The following DLGAP2 variants were observed in gnomAD, a reference collection of about 807,000 sequenced individuals.
DLGAP2 encodes DLG associated protein 2.
In DLGAP2, 26 loss-of-function variants were observed where a neutral mutation model predicts 100.3. The observed-to-expected ratio is 0.26, with a 90% CI of 0.19 to 0.36. DLGAP2 has a LOEUF of 0.36. Among genes scored for constraint, DLGAP2 ranks in the 10% least tolerant of loss-of-function variants. DLGAP2 has a pLI of 1.00. For synonymous variants in DLGAP2, 886 were observed against 630.1 expected, an observed-to-expected ratio of 1.41 and a Z score of -6.08; for missense variants, 1,858 against 1,453.2, an observed-to-expected ratio of 1.28 and a Z score of -4.53.
rs1016768774 is a variant in DLGAP2 at position 1,083,458 on chromosome 8, A to T, written c.74-175393A>T. On this transcript the variant is annotated intron_variant, in intron 2 of 14. Coordinates refer to ENST00000637795, the MANE Select transcript of DLGAP2 (RefSeq NM_001346810.2). ...GTTTGAAGTCATTTTAACTTTTATG[A>T]CGTTCGAGTTTGTGTTGACCTTTTA... is the stretch of plus-strand genomic sequence containing the variant. Among the ~76,000 whole-genome samples the T allele has an allele frequency of 7.9e-5, 12 of 152,204 alleles. 2 individuals carry two copies.
At chr8:1,002,291 G>T (rs1563137944) in intron 2 of DLGAP2, 1 of 152,150 alleles carries the variant, frequency 6.6e-6, no homozygotes, top group African/African-American at 2.4e-5. Flanking sequence ...TTCCTCCGGG[G>T]TCTGTGACCT....
At chr8:1,034,183 A>G (rs1292425748) in intron 2 of DLGAP2, among the ~76,000 whole-genome samples, 3 of 12,882 alleles carry the variant, frequency 2.3e-4, no homozygotes, top group Admixed American at 9.4e-4. Flanking sequence ...GTGTCACAGC[A>G]AGCGGGTTCA....
At chr8:1,572,134 AT>A (rs1802735332) in intron 6 of DLGAP2, among the ~76,000 whole-genome samples, 1 of 60,940 alleles carries the variant, frequency 1.6e-5, no homozygotes, top group African/African-American at 6.7e-5. Context: ...CTGGAGGGGC[AT>A]CTTCTGGGAT....
At chr8:1,450,254 C>T (rs1282878547) in intron 3 of DLGAP2, among the ~76,000 whole-genome samples, 2 of 62,384 alleles carry the variant, frequency 3.2e-5, no homozygotes, top group Middle Eastern at 5.1e-3. Flanking sequence ...ACGAGGTGGG[C>T]GGCCTCGGTG....
At chr8:1,531,483 C>T (rs1188783447) in intron 4 of DLGAP2, among the ~76,000 whole-genome samples, 5 of 151,922 alleles carry the variant, frequency 3.3e-5, no homozygotes, top group Non-Finnish European at 5.9e-5. Context: ...TTTGTATTTT[C>T]ATGTCTATGA....
intron 2 of DLGAP2, among the ~76,000 whole-genome samples, chr8:1,065,079 C>G (rs549476582): frequency 6.6e-6 from 1 of 152,232 alleles, no homozygotes; most frequent in South Asian, 2.1e-4. Context: ...CAGGGGATTT[C>G]TGAGAAAATA....
At chr8:1,209,408 T>C (rs559050003) in intron 2 of DLGAP2, among the ~76,000 whole-genome samples, 15 of 152,344 alleles carry the variant, frequency 9.8e-5, no homozygotes, top group African/African-American at 3.4e-4. Flanking sequence ...ACATTTTAAA[T>C]TCCAAAAAGA....
chr8:1,047,860 A>G (rs118087310), intron 2 of DLGAP2, among the ~76,000 whole-genome samples: 30 of 152,308 alleles, frequency 2.0e-4, no homozygotes, highest in Non-Finnish European at 3.4e-4. Context: ...CATTCAATCT[A>G]TCGCAGCATC....
intron 1 of DLGAP2, among the ~76,000 whole-genome samples, chr8:870,326 G>A (rs1042906197): frequency 7.9e-5 from 12 of 152,122 alleles, no homozygotes; most frequent in Non-Finnish European, 1.8e-4. Flanking sequence ...CTCTCTTCCA[G>A]TACTGGACAT....
At chr8:1,475,354 C>T (rs1056401020) in intron 3 of DLGAP2, among the ~76,000 whole-genome samples, 2 of 152,120 alleles carry the variant, frequency 1.3e-5, no homozygotes. Flanking sequence ...CAGGTTTTAG[C>T]TGTAACTCTA....
At chr8:747,518 C>A (rs1478287727) in intron 1 of DLGAP2, among the ~76,000 whole-genome samples, 1 of 106,940 alleles carries the variant, frequency 9.4e-6, no homozygotes, top group Non-Finnish European at 1.8e-5. Context: ...ACACAGGCGG[C>A]TGGAGGGTGA....
chr8:1,465,771 C>A (rs537222537), intron 3 of DLGAP2, among the ~76,000 whole-genome samples: 2 of 152,296 alleles, frequency 1.3e-5, no homozygotes, highest in South Asian at 4.1e-4. Context: ...CTAGCAAGGC[C>A]TATGTGTTCA....
intron 1 of DLGAP2, among the ~76,000 whole-genome samples, chr8:867,654 G>A (rs1266618032): frequency 6.6e-6 from 1 of 152,218 alleles, no homozygotes; most frequent in African/African-American, 2.4e-5. Flanking sequence ...ACTGGCTCGG[G>A]TGTAGCCTCA....
chr8:903,956 C>A (rs914903628), intron 1 of DLGAP2, among the ~76,000 whole-genome samples: 1 of 152,214 alleles, frequency 6.6e-6, no homozygotes, highest in Non-Finnish European at 1.5e-5. Flanking sequence ...CGGGAGGCAT[C>A]AGGGAGGGTG....
intron 1 of DLGAP2, among the ~76,000 whole-genome samples, chr8:800,718 A>G (rs35564790): frequency 0.13 from 20,476 of 152,004 alleles, 1,932 homozygotes; most frequent in East Asian, 0.53. Flanking sequence ...CTGTGTGTCC[A>G]TGGGTGTTTG....
chr8:1,622,628 C>T (rs186577149), intron 6 of DLGAP2, among the ~76,000 whole-genome samples: 13 of 152,290 alleles, frequency 8.5e-5, no homozygotes, highest in Admixed American at 7.2e-4. Context: ...TCCGTCTCGC[C>T]TGTTTGTGGA....
chr8:864,854 C>T lies in DLGAP2; in HGVS notation c.19-43058C>T, dbSNP rs575334650. ...ATAAAATATTAATATTTATATTGGT[C>T]AGTGTTCTCGTCATTGATAATTATA... On this transcript the variant is annotated intron_variant, in intron 1 of 14. Coordinates refer to ENST00000637795, the MANE Select transcript of DLGAP2 (RefSeq NM_001346810.2). Among the ~76,000 whole-genome samples, 26 of 152,208 alleles carry T rather than the reference C, an allele frequency of 1.7e-4. No homozygotes were observed. The East Asian group carries it at 1.7e-3, about 10-fold the overall frequency.
chr8:743,363 A>C (rs145794352), intron 1 of DLGAP2, among the ~76,000 whole-genome samples: 3 of 152,302 alleles, frequency 2.0e-5, no homozygotes, highest in Non-Finnish European at 4.4e-5. Context: ...TGGTGAAGAT[A>C]AATTTTCTCT....
chr8:1,446,078 A>G (rs1797979156), intron 3 of DLGAP2, among the ~76,000 whole-genome samples: 1 of 151,946 alleles, frequency 6.6e-6, no homozygotes, highest in Admixed American at 6.6e-5. Context: ...TTTGCTGTGC[A>G]GAAGCTCTTG....
Sources: allele counts gnomAD v4.1 joint callset (sites outside exome capture counted in the v4.1 genomes callset), GRCh38; gene constraint gnomAD v4.1.1; transcripts MANE v1.5; gene names NCBI Gene and HGNC (gene_info 2026-07-23, HGNC 2026-07-21).